FAM110B: variants seen among roughly 807,000 people sequenced by gnomAD.
FAM110B encodes the protein protein FAM110B.
A neutral mutation model predicts 20.4 loss-of-function variants in FAM110B; 6 were observed. The ratio of observed to expected loss-of-function variants is 0.29; its 90% CI spans 0.16 to 0.58. FAM110B has a LOEUF of 0.58. FAM110B is among the 20% of genes least tolerant of loss of function. The pLI is 0.90. For missense variants in FAM110B, 434 were observed against 498.2 expected (o/e 0.87, Z 1.23); for synonymous variants, 226 against 214.1 (o/e 1.06, Z -0.49).
At chr8:58,124,355 A>C (rs1265520349) in intron 3 of FAM110B, among the ~76,000 whole-genome samples, 2 of 152,206 alleles carry the variant, frequency 1.3e-5, no homozygotes, top group Middle Eastern at 3.2e-3. Flanking sequence ...TGCTAAGAGG[A>C]GTTGTAGTGG....
intron 1 of FAM110B, among the ~76,000 whole-genome samples, chr8:58,022,574 A>G (rs1804777342): frequency 6.6e-6 from 1 of 152,232 alleles, no homozygotes; most frequent in Admixed American, 6.5e-5. Context: ...AATATAAAAC[A>G]TGATGTCTCA....
chr8:58,117,915 A>G (rs1174767016), intron 3 of FAM110B, among the ~76,000 whole-genome samples: 2 of 152,238 alleles, frequency 1.3e-5, no homozygotes, highest in Non-Finnish European at 2.9e-5. Context: ...ACTAACGGAC[A>G]TTAAATACAA....
At chr8:58,097,537 T>C (rs1335459557) in intron 3 of FAM110B, among the ~76,000 whole-genome samples, 8 of 152,232 alleles carry the variant, frequency 5.3e-5, no homozygotes, top group African/African-American at 1.9e-4. Flanking sequence ...TTCTGAAGAC[T>C]ACTTCTGTCA....
At chr8:58,106,585 G>A (rs1390730507) in intron 3 of FAM110B, among the ~76,000 whole-genome samples, 1 of 152,132 alleles carries the variant, frequency 6.6e-6, no homozygotes, top group East Asian at 1.9e-4. Context: ...AGGGAAGGCA[G>A]ACTTATCAGC....
chr8:58,110,577 A>G (rs2150618724), intron 3 of FAM110B, among the ~76,000 whole-genome samples: 1 of 152,290 alleles, frequency 6.6e-6, no homozygotes, highest in Non-Finnish European at 1.5e-5. Context: ...ACCTGCTAGC[A>G]TTCTTTTTAT....
intron 1 of FAM110B, among the ~76,000 whole-genome samples, chr8:58,010,484 C>T (rs1043677538): frequency 2.0e-5 from 3 of 152,152 alleles, no homozygotes; most frequent in Non-Finnish European, 4.4e-5. Flanking sequence ...GGTTCTGCCC[C>T]ATGAGCCATA....
chr8:58,076,146 A>G (rs758546074), intron 3 of FAM110B, among the ~76,000 whole-genome samples: 1 of 151,960 alleles, frequency 6.6e-6, no homozygotes, highest in African/African-American at 2.4e-5. Flanking sequence ...TTTTTCATAG[A>G]GATGGGGTCT....
At chr8:58,111,708 ATG>A (rs1193826785) in intron 3 of FAM110B, among the ~76,000 whole-genome samples, 2 of 152,250 alleles carry the variant, frequency 1.3e-5, no homozygotes, top group Non-Finnish European at 2.9e-5. Context: ...TTACATAAAC[ATG>A]TGAGTGAAAA....
chr8:57,997,716 T>C (rs1804213548), intron 1 of FAM110B, among the ~76,000 whole-genome samples: 1 of 152,160 alleles, frequency 6.6e-6, no homozygotes, highest in Non-Finnish European at 1.5e-5. Context: ...GAAAAATACA[T>C]TCATTCTATT....
At chr8:58,068,191 C>T (rs1805813292) in intron 2 of FAM110B, among the ~76,000 whole-genome samples, 1 of 152,256 alleles carries the variant, frequency 6.6e-6, no homozygotes, top group Non-Finnish European at 1.5e-5. Context: ...TAGGCCAAAT[C>T]TCTGAAGCCA....
At chr8:58,112,244 G>A (rs13266191) in intron 3 of FAM110B, among the ~76,000 whole-genome samples, 13,347 of 152,150 alleles carry the variant, frequency 0.088, 776 homozygotes, top group Middle Eastern at 0.13. Flanking sequence ...CAGGAGAATC[G>A]CTTGAACCCA....
intron 3 of FAM110B, among the ~76,000 whole-genome samples, chr8:58,105,632 G>A (rs373219346): frequency 7.2e-6 from 1 of 139,148 alleles, no homozygotes; most frequent in East Asian, 2.2e-4. Flanking sequence ...GCAGTGGTGC[G>A]ATCTCGGCTC....
intron 3 of FAM110B, among the ~76,000 whole-genome samples, chr8:58,092,347 C>A (rs181675567): frequency 1.6e-3 from 245 of 152,184 alleles, no homozygotes; most frequent in African/African-American, 5.6e-3. Context: ...CTGCACCCAT[C>A]AACCCGTCAT....
intron 3 of FAM110B, among the ~76,000 whole-genome samples, chr8:58,091,846 GA>G (rs1806488111): frequency 6.6e-6 from 1 of 152,158 alleles, no homozygotes; most frequent in African/African-American, 2.4e-5. Context: ...TGTTACCATG[GA>G]GACAGCTTAC....
At chr8:58,020,612 GA>G (rs969622326) in intron 1 of FAM110B, among the ~76,000 whole-genome samples, 16 of 152,184 alleles carry the variant, frequency 1.1e-4, no homozygotes, top group African/African-American at 3.6e-4. Context: ...TACAATTTTA[GA>G]TCTTTGATTT....
intron 3 of FAM110B, among the ~76,000 whole-genome samples, chr8:58,083,227 C>G (rs1806247177): frequency 1.3e-5 from 2 of 151,978 alleles, no homozygotes; most frequent in Admixed American, 6.6e-5. Flanking sequence ...GAGACACAGT[C>G]TATTGCTGGA....
chr8:58,030,158 C>T (rs1804936176), intron 1 of FAM110B, among the ~76,000 whole-genome samples: 1 of 152,164 alleles, frequency 6.6e-6, no homozygotes, highest in Non-Finnish European at 1.5e-5. Context: ...AATAACAGCA[C>T]ATGATTTCAT....
chr8:58,053,082 G>C (rs957756383), intron 2 of FAM110B, among the ~76,000 whole-genome samples: 2 of 152,174 alleles, frequency 1.3e-5, no homozygotes, highest in African/African-American at 4.8e-5. Context: ...ACCGCGCCCG[G>C]CCGAGAGTGA....
At chr8:58,096,089 T>C (rs1806619706) in intron 3 of FAM110B, among the ~76,000 whole-genome samples, 1 of 152,214 alleles carries the variant, frequency 6.6e-6, no homozygotes, top group Non-Finnish European at 1.5e-5. Flanking sequence ...TTCCATTTGC[T>C]TGGTAAATAT....
Sources: allele counts gnomAD v4.1 joint callset (sites outside exome capture counted in the v4.1 genomes callset), GRCh38; gene constraint gnomAD v4.1.1; transcripts MANE v1.5; gene names NCBI Gene and HGNC (gene_info 2026-07-23, HGNC 2026-07-21).